RIMS2: variants seen among roughly 807,000 people sequenced by gnomAD.
RIMS2 encodes regulating synaptic membrane exocytosis 2.
RIMS2 carries 59 observed loss-of-function variants against 174.4 expected under a neutral mutation model. That is an observed-to-expected ratio of 0.34 (90% CI 0.27 to 0.42). The LOEUF is 0.42. Ranked by LOEUF, RIMS2 falls within the 10% of genes least tolerant of loss-of-function variation. The probability of loss-of-function intolerance (pLI) is 1.00; values close to 1 mark genes in which losing one functional copy is unlikely to be tolerated. For missense variants in RIMS2, 1,620 were observed against 1,666.3 expected (o/e 0.97, Z 0.48); for synonymous variants, 606 against 572.5 (o/e 1.06, Z -0.84).
At chr8:103,729,141 T>G (rs1176642822) in intron 2 of RIMS2, among the ~76,000 whole-genome samples, 1 of 152,018 alleles carries the variant, frequency 6.6e-6, no homozygotes, top group Non-Finnish European at 1.5e-5. Flanking sequence ...ATACTTTGAG[T>G]AAGATTGGTA....
At chr8:103,632,519 C>T (rs2095955794) in intron 1 of RIMS2, among the ~76,000 whole-genome samples, 1 of 151,970 alleles carries the variant, frequency 6.6e-6, no homozygotes, top group Non-Finnish European at 1.5e-5. Context: ...CACCCGGGTT[C>T]AAGCGATTCT....
chr8:103,545,581 C>T (rs1000203344), intron 1 of RIMS2, among the ~76,000 whole-genome samples: 2 of 152,152 alleles, frequency 1.3e-5, no homozygotes, highest in South Asian at 2.1e-4. Context: ...ACGTCAGATT[C>T]TCCAAGGTCG....
intron 1 of RIMS2, among the ~76,000 whole-genome samples, chr8:103,631,919 T>G (rs1347974062): frequency 1.3e-5 from 2 of 152,212 alleles, no homozygotes; most frequent in Non-Finnish European, 2.9e-5. Flanking sequence ...TTGACTTGGC[T>G]CTCAGCTTGG....
At chr8:104,159,143 T>C (rs1383734832) in intron 19 of RIMS2, among the ~76,000 whole-genome samples, 6 of 152,204 alleles carry the variant, frequency 3.9e-5, no homozygotes, top group Admixed American at 2.0e-4. Flanking sequence ...CACCATTTAT[T>C]AAATAAGGAA....
At chr8:103,818,457 A>C (rs1451740538) in intron 3 of RIMS2, among the ~76,000 whole-genome samples, 1 of 152,204 alleles carries the variant, frequency 6.6e-6, no homozygotes, top group African/African-American at 2.4e-5. Context: ...ATTCACTGAG[A>C]ATAGATGATG....
intron 12 of RIMS2, among the ~76,000 whole-genome samples, chr8:103,932,716 T>A (rs1031542991): frequency 1.3e-5 from 2 of 152,222 alleles, no homozygotes; most frequent in African/African-American, 4.8e-5. Flanking sequence ...TTGCTTAGTT[T>A]TATTTTTATG....
In RIMS2 at chr8:103,761,779, C is replaced by T. The variant is rs751467038; in HGVS notation, c.388-4448C>T. On this transcript the variant is annotated intron_variant, in intron 2 of 23. Coordinates refer to ENST00000504942, the Ensembl canonical transcript of RIMS2. ...CTCTTTTACCTTATTTCTTCTCTGA[C>T]AAATGCACACATATTTATAAGCAGG... 2.8e-4 allele frequency among the ~76,000 whole-genome samples: 43 copies of T among 152,174 alleles called. 1 individual carries two copies. The highest frequency in any genetic ancestry group is 1.0e-3 in the Admixed American group (16 of 15,264).
At chr8:103,886,309 A>G in intron 4 of RIMS2, 86 bp downstream of exon 7, 1 of 1,064,364 alleles carries the variant, frequency 9.4e-7, no homozygotes, top group Non-Finnish European at 1.3e-6. Context: ...AAAATTTAAT[A>G]GGTATTACTA....
intron 17 of RIMS2, among the ~76,000 whole-genome samples, chr8:104,004,469 G>A (rs552007007): frequency 1.3e-5 from 2 of 152,094 alleles, no homozygotes; most frequent in Non-Finnish European, 2.9e-5. Flanking sequence ...CAAGTGAGGT[G>A]TCATGGATGA....
intron 3 of RIMS2, among the ~76,000 whole-genome samples, chr8:103,862,766 G>C (rs562054653): frequency 3.9e-5 from 6 of 152,114 alleles, no homozygotes; most frequent in African/African-American, 1.4e-4. Context: ...TTGGGTCTCA[G>C]CTTGAGGTGA....
At chr8:103,574,219 A>C (rs182911407) in intron 1 of RIMS2, among the ~76,000 whole-genome samples, 3 of 152,276 alleles carry the variant, frequency 2.0e-5, no homozygotes, top group African/African-American at 4.8e-5. Context: ...TCAAATAAAA[A>C]CTGGATATCA....
At chr8:103,636,483 G>A (rs1235332057) in intron 1 of RIMS2, among the ~76,000 whole-genome samples, 1 of 148,334 alleles carries the variant, frequency 6.7e-6, no homozygotes, top group African/African-American at 2.5e-5. Context: ...ATAGATCTGT[G>A]GGAGAAACAT....
chr8:103,868,891 A>C (rs1361143274), intron 3 of RIMS2, among the ~76,000 whole-genome samples: 4 of 152,170 alleles, frequency 2.6e-5, no homozygotes, highest in African/African-American at 7.2e-5. Flanking sequence ...AAATATAAGC[A>C]TTATCATTAT....
At chr8:104,109,311 A>G (rs2098135008) in intron 19 of RIMS2, among the ~76,000 whole-genome samples, 2 of 151,384 alleles carry the variant, frequency 1.3e-5, no homozygotes, top group Non-Finnish European at 2.9e-5. Flanking sequence ...AAAAAAAAAA[A>G]AAAAAAGAAA....
At chr8:103,778,040 G>C (rs2098337548) in intron 3 of RIMS2, among the ~76,000 whole-genome samples, 1 of 151,838 alleles carries the variant, frequency 6.6e-6, no homozygotes, top group Non-Finnish European at 1.5e-5. Context: ...CTATGACTTT[G>C]ACATTTTTAA....
intron 19 of RIMS2, among the ~76,000 whole-genome samples, chr8:104,206,037 T>G (rs1196487182): frequency 6.6e-6 from 1 of 152,168 alleles, no homozygotes; most frequent in East Asian, 1.9e-4. Context: ...ATTACAGATG[T>G]GAAGCACTGT....
At chr8:103,696,616 T>G (rs1352191963) in intron 1 of RIMS2, among the ~76,000 whole-genome samples, 1 of 151,976 alleles carries the variant, frequency 6.6e-6, no homozygotes, top group South Asian at 2.1e-4. Context: ...TCTGTAATCA[T>G]AGCACTTCAG....
intron 1 of RIMS2, among the ~76,000 whole-genome samples, chr8:103,582,127 C>G (rs1055280144): frequency 6.6e-6 from 1 of 151,994 alleles, no homozygotes; most frequent in Admixed American, 6.5e-5. Flanking sequence ...GTCAGAGTTG[C>G]GAGGTCCCTG....
chr8:104,097,692 G>A (rs757335444), intron 19 of RIMS2, among the ~76,000 whole-genome samples: 1 of 152,018 alleles, frequency 6.6e-6, no homozygotes, highest in Non-Finnish European at 1.5e-5. Context: ...GTGCATTGTG[G>A]CACTCAGAAA....
Sources: allele counts gnomAD v4.1 joint callset (sites outside exome capture counted in the v4.1 genomes callset), GRCh38; gene constraint gnomAD v4.1.1; transcripts MANE v1.5; gene names NCBI Gene and HGNC (gene_info 2026-07-23, HGNC 2026-07-21).